SEMA3D: variants seen among roughly 807,000 people sequenced by gnomAD.
SEMA3D encodes the protein semaphorin 3D, also known as semaphorin-3D.
SEMA3D carries 84 observed loss-of-function variants against 100.1 expected under a neutral mutation model. That is an observed-to-expected ratio of 0.84 (90% CI 0.70 to 1.01). The LOEUF (loss-of-function observed/expected upper bound fraction) is 1.01, where lower values mean the gene tolerates loss of function less well. SEMA3D is among the 50% of genes least tolerant of loss of function. The probability of loss-of-function intolerance (pLI) is 0.00; values close to 1 mark genes in which losing one functional copy is unlikely to be tolerated. For synonymous variants in SEMA3D, 312 were observed against 320.7 expected (o/e 0.97, Z 0.29); for missense variants, 875 against 934.1 (o/e 0.94, Z 0.82).
chr7:85,156,487 T>C (rs1790601567), intron 1 of SEMA3D, among the ~76,000 whole-genome samples: 1 of 152,178 alleles, frequency 6.6e-6, no homozygotes, highest in Non-Finnish European at 1.5e-5. Flanking sequence ...CTTAAAGGAA[T>C]AATCGAATTT....
intron 1 of SEMA3D, among the ~76,000 whole-genome samples, chr7:85,172,649 T>G (rs1791115196): frequency 6.6e-6 from 1 of 152,070 alleles, no homozygotes; most frequent in African/African-American, 2.4e-5. Context: ...GTTAGGCAAC[T>G]TGATTGCACA....
intron 3 of SEMA3D, among the ~76,000 whole-genome samples, chr7:85,113,422 A>G (rs2116372864): frequency 6.6e-6 from 1 of 152,200 alleles, no homozygotes; most frequent in Middle Eastern, 3.4e-3. Context: ...ATTAAAGAGT[A>G]TTATTTGGAT....
chr7:85,103,268 T>C (rs1051131448), intron 3 of SEMA3D, among the ~76,000 whole-genome samples: 2 of 152,058 alleles, frequency 1.3e-5, no homozygotes, highest in Non-Finnish European at 2.9e-5. Context: ...TCAGTGGATT[T>C]CATAAATCAG....
At chr7:85,165,001 C>CA (rs1466216326) in intron 1 of SEMA3D, among the ~76,000 whole-genome samples, 3 of 87,620 alleles carry the variant, frequency 3.4e-5, no homozygotes, top group African/African-American at 5.6e-5. Flanking sequence ...CCCCTTCCCC[C>CA]CACCCCACAA....
chr7:85,126,779 T>C (rs117449374), intron 2 of SEMA3D, among the ~76,000 whole-genome samples: 2 of 152,004 alleles, frequency 1.3e-5, no homozygotes, highest in Non-Finnish European at 2.9e-5. Context: ...AGGGGTAACA[T>C]AGGCAAACAC....
chr7:85,036,946 A>C lies in SEMA3D; in HGVS notation c.1134T>G (p.Ser378Arg). Residue 378 changes from serine to arginine, a missense_variant, in exon 12 of 19, where the codon AGT becomes AGG. Transcript: ENST00000284136. The part of the protein sequence containing the change: ...VFNGPYAHKE[S>R]ADHRWVQYDG... ...CATACTGCACCCAACGATGGTCTGC[A>C]CTTTCCTTATGAGCATATGGACCAT... The C allele has an allele frequency of 6.2e-7, 1 of 1,613,568 alleles. No homozygotes were observed. The highest frequency in any genetic ancestry group is 1.1e-5 in the South Asian group (1 of 91,058).
intron 9 of SEMA3D, among the ~76,000 whole-genome samples, chr7:85,048,514 T>G (rs1791070291): frequency 6.6e-6 from 1 of 151,830 alleles, no homozygotes; most frequent in Non-Finnish European, 1.5e-5. Context: ...TGAACTATAT[T>G]ACTATATTGT....
At chr7:85,138,825 T>C (rs1289100189) in intron 2 of SEMA3D, among the ~76,000 whole-genome samples, 2 of 151,446 alleles carry the variant, frequency 1.3e-5, no homozygotes, top group Non-Finnish European at 2.9e-5. Context: ...CCCTACCTGC[T>C]GACAGGCCCC....
At chr7:85,036,720 C>A (rs1249064412) in intron 12 of SEMA3D, among the ~76,000 whole-genome samples, 169 bp downstream of exon 12, 6 of 152,048 alleles carry the variant, frequency 3.9e-5, no homozygotes, top group Admixed American at 3.9e-4. Flanking sequence ...AACTAAAATT[C>A]TTACTGAAAT....
intron 2 of SEMA3D, among the ~76,000 whole-genome samples, chr7:85,151,091 T>A (rs1790367684): frequency 2.0e-5 from 2 of 100,220 alleles, no homozygotes; most frequent in African/African-American, 8.4e-5. Context: ...ATAAAAAAAA[T>A]CCACACACAC....
At chr7:85,091,407 G>A (rs1788389674) in intron 4 of SEMA3D, among the ~76,000 whole-genome samples, 2 of 151,592 alleles carry the variant, frequency 1.3e-5, no homozygotes, top group Non-Finnish European at 2.9e-5. Context: ...TCATATGGAA[G>A]GATCCCAACA....
chr7:85,032,655 G>A (rs896428819), intron 12 of SEMA3D, among the ~76,000 whole-genome samples: 3 of 151,976 alleles, frequency 2.0e-5, no homozygotes, highest in Non-Finnish European at 4.4e-5. Context: ...AACATTATTA[G>A]TCTCATACTA....
At chr7:85,247,411 C>A in the SEMA3D span, among the ~76,000 whole-genome samples, 1 of 152,000 alleles carries the variant, frequency 6.6e-6, no homozygotes, top group Non-Finnish European at 1.5e-5. Flanking sequence ...ATTTTGTGGT[C>A]TTAGAGTGAG....
chr7:85,219,598 C>A, the SEMA3D span, among the ~76,000 whole-genome samples: 1 of 151,846 alleles, frequency 6.6e-6, no homozygotes, highest in African/African-American at 2.4e-5. Flanking sequence ...AGATTTCTAA[C>A]AGAAGGATAC....
intron 17 of SEMA3D, among the ~76,000 whole-genome samples, chr7:85,011,350 CTGA>C (rs1489063837): frequency 2.6e-5 from 4 of 151,830 alleles, no homozygotes; most frequent in African/African-American, 4.8e-5. Flanking sequence ...ATTGGATAGA[CTGA>C]TGATGATGAT....
chr7:85,224,911 T>C, the SEMA3D span, among the ~76,000 whole-genome samples: 1 of 151,590 alleles, frequency 6.6e-6, no homozygotes, highest in African/African-American at 2.4e-5. Flanking sequence ...TTTGTCCAGT[T>C]TCATTCTGAG....
chr7:85,060,753 T>C (rs933244460), intron 8 of SEMA3D, among the ~76,000 whole-genome samples: 1 of 152,204 alleles, frequency 6.6e-6, no homozygotes, highest in Non-Finnish European at 1.5e-5. Context: ...TTACTTCTTA[T>C]AGTCTCATTT....
At chr7:85,109,244 A>C (rs1475781883) in intron 3 of SEMA3D, among the ~76,000 whole-genome samples, 1 of 152,000 alleles carries the variant, frequency 6.6e-6, no homozygotes, top group Non-Finnish European at 1.5e-5. Context: ...AAAGACAATT[A>C]ATTATTCTAA....
intron 3 of SEMA3D, among the ~76,000 whole-genome samples, chr7:85,111,882 C>T (rs185447249): frequency 3.0e-4 from 46 of 152,128 alleles, no homozygotes; most frequent in Admixed American, 2.4e-3. Context: ...ACTTTCACTC[C>T]AGGGCCTTTG....
Sources: allele counts gnomAD v4.1 joint callset (sites outside exome capture counted in the v4.1 genomes callset), GRCh38; gene constraint gnomAD v4.1.1; transcripts MANE v1.5; gene names NCBI Gene and HGNC (gene_info 2026-07-23, HGNC 2026-07-21).